GRIN2A: variants seen among roughly 807,000 people sequenced by gnomAD.
GRIN2A encodes glutamate ionotropic receptor NMDA type subunit 2A.
A neutral mutation model predicts 113.4 loss-of-function variants in GRIN2A; 22 were observed. The ratio of observed to expected loss-of-function variants is 0.19; its 90% CI spans 0.14 to 0.28. The LOEUF is 0.28. Among genes scored for constraint, GRIN2A ranks in the 10% least tolerant of loss-of-function variants. GRIN2A has a pLI of 1.00. For missense variants in GRIN2A, 1,502 were observed against 1,887.0 expected (o/e 0.80, Z 3.78); for synonymous variants, 827 against 738.4 (o/e 1.12, Z -1.94).
intron 2 of GRIN2A, among the ~76,000 whole-genome samples, chr16:10,167,634 G>T (rs1296555578): frequency 1.3e-5 from 2 of 152,332 alleles, no homozygotes; most frequent in East Asian, 3.9e-4. Flanking sequence ...TGAGTTCGAA[G>T]ATCTACGATG....
intron 2 of GRIN2A, among the ~76,000 whole-genome samples, chr16:10,042,566 C>T (rs1264416983): frequency 1.3e-5 from 2 of 152,090 alleles, no homozygotes; most frequent in East Asian, 1.9e-4. Flanking sequence ...AAGTTGCTCC[C>T]GAATATGATC....
At chr16:9,902,118 T>TTTC (rs1244817647) in intron 3 of GRIN2A, among the ~76,000 whole-genome samples, 6 of 147,158 alleles carry the variant, frequency 4.1e-5, no homozygotes, top group African/African-American at 1.6e-4. Flanking sequence ...AATATCCTCT[T>TTTC]TTCTTCTGCC....
At chr16:9,887,956 G>A (rs1014754680) in intron 4 of GRIN2A, among the ~76,000 whole-genome samples, 19 of 152,132 alleles carry the variant, frequency 1.2e-4, no homozygotes, top group African/African-American at 4.6e-4. Flanking sequence ...ACTCAGGGGG[G>A]CTGAGGTGGA....
intron 2 of GRIN2A, chr16:10,111,748 C>T: frequency 1.3e-6 from 2 of 1,515,278 alleles, no homozygotes; most frequent in East Asian, 2.3e-5. Context: ...GGTGCTGAGC[C>T]CCTCACACAC....
rs1480537862 is a variant in GRIN2A, at chr16:10,180,123, C to A, written c.289G>T (p.Gly97Cys). The change falls in exon 2 of 13, where the codon GGC becomes TGC. Residue 97 changes from glycine (G) to cysteine (C), a missense_variant. Physicochemically the swap from Gly to Cys is radical, Grantham distance 159. Transcript: ENST00000330684. The surrounding 1 kb of genome is among the most constrained non-coding windows in gnomAD (Gnocchi z 7.0). ...CDLMSGARIH[G>C]LVFGDDTDQE... Reference sequence around the variant, plus strand: ...TCCGTGTCGTCCCCAAACACGAGGCCGTGGATGCGTGCCCCGGACATGAGG... The same window carrying A: ...TCCGTGTCGTCCCCAAACACGAGGCAGTGGATGCGTGCCCCGGACATGAGG... 6.2e-7 allele frequency: 1 copy of A among 1,614,210 alleles called. No individual in the cohort carries two copies.
At chr16:10,067,303 G>C (rs1337656128) in intron 2 of GRIN2A, among the ~76,000 whole-genome samples, 3 of 152,160 alleles carry the variant, frequency 2.0e-5, no homozygotes, top group Non-Finnish European at 4.4e-5. Flanking sequence ...CTCCATCTCT[G>C]AATGAGGAGG....
chr16:9,923,809 T>A (rs932826757), intron 3 of GRIN2A, among the ~76,000 whole-genome samples: 15 of 152,138 alleles, frequency 9.9e-5, no homozygotes, highest in African/African-American at 3.6e-4. Flanking sequence ...AATTTATCTT[T>A]TAAAATGATT....
At chr16:10,081,403 G>A (rs964208487) in intron 2 of GRIN2A, among the ~76,000 whole-genome samples, 1 of 152,136 alleles carries the variant, frequency 6.6e-6, no homozygotes, top group Non-Finnish European at 1.5e-5. Flanking sequence ...CCAAGTGAAG[G>A]CAGCTTAATT....
At chr16:9,902,982 T>TGG (rs2043960899) in intron 3 of GRIN2A, among the ~76,000 whole-genome samples, 1 of 7,246 alleles carries the variant, frequency 1.4e-4, no homozygotes, top group African/African-American at 5.4e-4. Flanking sequence ...GGGGGGTGGG[T>TGG]GGGGGTGACG....
At chr16:10,100,092 G>A (rs1017205477) in intron 2 of GRIN2A, among the ~76,000 whole-genome samples, 4 of 152,166 alleles carry the variant, frequency 2.6e-5, no homozygotes, top group African/African-American at 9.7e-5. Context: ...GTGAAGGGGG[G>A]ACATGAGGGC....
At chr16:9,933,266 T>G (rs1040841064) in intron 3 of GRIN2A, among the ~76,000 whole-genome samples, 1 of 152,042 alleles carries the variant, frequency 6.6e-6, no homozygotes, top group Non-Finnish European at 1.5e-5. Flanking sequence ...GGGTGTAAGG[T>G]CATGAACATA....
Position 9,757,162 on chromosome 16 carries a change from A to C in GRIN2A, c.*5987T>G, listed in dbSNP as rs887924766. ...TAATGCAAGGCTGGGAGGAGGCATG[A>C]TTTGGCAAGGACTGGAGAACTGGTT... On this transcript the variant is annotated 3_prime_UTR_variant, in exon 13 of 13. Coordinates refer to ENST00000330684, the MANE Select transcript of GRIN2A (RefSeq NM_001134407.3). 1 of 218,694 alleles carries C rather than the reference A, an allele frequency of 4.6e-6. No homozygotes were observed. Among genetic ancestry groups the C allele is most frequent in the African/African-American group, 2.2e-5 (1 of 44,530 alleles). The allele number at this position is 218,694 out of a possible 1,614,324, so 13.5% of individuals were successfully genotyped here.
chr16:10,043,577 C>T (rs879315213), intron 2 of GRIN2A, among the ~76,000 whole-genome samples: 7 of 152,152 alleles, frequency 4.6e-5, no homozygotes, highest in Non-Finnish European at 1.0e-4. Flanking sequence ...ATGCCACCAA[C>T]TTTCAATTAT....
intron 2 of GRIN2A, among the ~76,000 whole-genome samples, chr16:10,063,348 T>C (rs1298773708): frequency 6.6e-6 from 1 of 152,204 alleles, no homozygotes; most frequent in Non-Finnish European, 1.5e-5. Context: ...ATGTATCCAC[T>C]GGATCTAAAA....
intron 3 of GRIN2A, among the ~76,000 whole-genome samples, chr16:9,901,151 G>T (rs530491314): frequency 3.9e-5 from 6 of 152,302 alleles, no homozygotes; most frequent in Admixed American, 3.9e-4. Flanking sequence ...TTTCTCCCTT[G>T]AAGAACCTAG....
rs1423070619 is a variant in GRIN2A at position 9,759,537 on chromosome 16, A to C, written c.*3612T>G. 1 of 225,160 alleles carries C rather than the reference A, an allele frequency of 4.4e-6. No individual in the cohort carries two copies. The highest frequency in any genetic ancestry group is 2.2e-5 in the African/African-American group (1 of 44,890). 13.9% of individuals were successfully genotyped at this position (225,160 alleles called of 1,614,324 possible). On this transcript the variant is annotated 3_prime_UTR_variant, in exon 13 of 13. Coordinates refer to ENST00000330684, the MANE Select transcript of GRIN2A (RefSeq NM_001134407.3). ...TGTAATTTTCTATTTTTCTCCCCAG[A>C]AAATAAGCGTGAAATGATTTGACAG...
chr16:9,819,527 A>T lies in GRIN2A; in HGVS notation c.2168+2737T>A, dbSNP rs149294961. ...ACAGAGTGAGACCCTGTCTGAAAAA[A>T]AAAAAAAAATTTAAATAATTAATCA... On this transcript the variant is annotated intron_variant, in intron 10 of 12. Transcript: ENST00000330684. 2.7e-3 allele frequency among the ~76,000 whole-genome samples: 412 copies of T among 152,228 alleles called. 15 individuals are homozygous for T. In the East Asian group the frequency reaches 0.063, roughly 23 times the overall value.
At position 9,829,477 on chromosome 16, in the gene GRIN2A, G is replaced by A. The variant is rs1373636631; in HGVS notation, c.1953C>T (p.Ala651=). 2.5e-6 allele frequency: 4 copies of A among 1,613,898 alleles called. No homozygotes were observed. Among genetic ancestry groups the A allele is most frequent in the East Asian group, 4.5e-5 (2 of 44,862 alleles). Residue 651 remains alanine, a synonymous_variant, in exon 9 of 13, where the codon GCC becomes GCT. Coordinates refer to ENST00000330684, the MANE Select transcript of GRIN2A (RefSeq NM_001134407.3). The part of the protein sequence containing the change: ...FLASYTANLA[A]FMIQEEFVDQ... ...CCACAAATTCCTCTTGGATCATGAA[G>A]GCAGCCAGATTGGCTGTGTAGCTAG...
chr16:10,126,273 CT>C (rs1410723590), intron 2 of GRIN2A, among the ~76,000 whole-genome samples: 2 of 151,986 alleles, frequency 1.3e-5, no homozygotes, highest in African/African-American at 4.8e-5. Context: ...AGTGATCCTC[CT>C]GCCTCAGGCT....
Sources: allele counts gnomAD v4.1 joint callset (sites outside exome capture counted in the v4.1 genomes callset), GRCh38; gene constraint gnomAD v4.1.1; non-coding constraint Gnocchi (gnomAD v3.1); transcripts MANE v1.5; gene names NCBI Gene and HGNC (gene_info 2026-07-23, HGNC 2026-07-21).